The following ENOX1 variants were observed in gnomAD, a reference collection of about 807,000 sequenced individuals.
ENOX1 encodes candidate growth-related and time keeping constitutive hydroquinone (NADH) oxidase.
Under a neutral mutation model 82.5 loss-of-function variants are expected in ENOX1, and 42 were observed. That is an observed-to-expected ratio of 0.51 (90% CI 0.40 to 0.66). The LOEUF (loss-of-function observed/expected upper bound fraction) is 0.66. ENOX1 is among the 30% of genes least tolerant of loss of function. The pLI, the probability that ENOX1 is intolerant of heterozygous loss-of-function variation, is 0.00. For missense variants in ENOX1, 608 were observed against 811.6 expected (o/e 0.75, Z 3.05); for synonymous variants, 271 against 282.2 (o/e 0.96, Z 0.40).
At chr13:43,753,959 A>AGACTGATGTATTTCTTCTGTGTATAT (rs1392900008) in intron 1 of ENOX1, among the ~76,000 whole-genome samples, 4 of 146,370 alleles carry the variant, frequency 2.7e-5, no homozygotes, top group African/African-American at 1.0e-4. Context: ...TCAGAGACAT[A>AGACTGATGTATTTCTTCTGTGTATAT]AACTGATGTA....
At chr13:43,554,381 G>A (rs73476020) in intron 2 of ENOX1, among the ~76,000 whole-genome samples, 1,695 of 152,266 alleles carry the variant, frequency 0.011, 38 homozygotes, top group African/African-American at 0.039. Flanking sequence ...TTATGTAAAT[G>A]CAAGTGATTT....
chr13:43,304,557 G>T (rs2046760901), intron 11 of ENOX1, among the ~76,000 whole-genome samples: 1 of 152,160 alleles, frequency 6.6e-6, no homozygotes, highest in African/African-American at 2.4e-5. Context: ...GGCTCTATCT[G>T]GGGAGTGTTC....
intron 2 of ENOX1, among the ~76,000 whole-genome samples, chr13:43,602,018 C>G (rs1273831668): frequency 3.3e-5 from 5 of 151,888 alleles, no homozygotes; most frequent in Non-Finnish European, 5.9e-5. Context: ...GGAAATTAGA[C>G]AATAAGCTCC....
chr13:43,722,790 CAA>C (rs928906061), intron 1 of ENOX1, among the ~76,000 whole-genome samples: 3 of 152,026 alleles, frequency 2.0e-5, no homozygotes, highest in Non-Finnish European at 4.4e-5. Flanking sequence ...CCACTGAATT[CAA>C]AGTCAATATT....
At position 43,623,852 on chromosome 13, in the gene ENOX1, C is replaced by A. The variant is rs1360699841; in HGVS notation, c.-219+43627G>T. ...CCATTGAAAGACATCAGGGTTTTTT[C>A]CAATTTTTGAGTATTGTAAATAAAG... On this transcript the variant is annotated intron_variant, in intron 2 of 16. Transcript: ENST00000690772. Among the ~76,000 whole-genome samples, 3 of 152,144 alleles carry A rather than the reference C, an allele frequency of 2.0e-5. No individual in the cohort carries two copies. The East Asian group carries it at 5.8e-4, about 29-fold the overall frequency.
chr13:43,623,542 C>T (rs1012576953), intron 2 of ENOX1, among the ~76,000 whole-genome samples: 4 of 152,100 alleles, frequency 2.6e-5, no homozygotes, highest in Admixed American at 1.3e-4. Context: ...AGTGTGTGTT[C>T]GGGAGAGGAT....
At chr13:43,544,525 G>T (rs569276267) in intron 2 of ENOX1, 8 of 152,244 alleles carry the variant, frequency 5.3e-5, no homozygotes, top group African/African-American at 1.9e-4. Context: ...CCAAAACATG[G>T]CCCGACACAC....
intron 2 of ENOX1, among the ~76,000 whole-genome samples, chr13:43,665,132 G>T (rs897695040): frequency 6.6e-6 from 1 of 152,184 alleles, no homozygotes; most frequent in Non-Finnish European, 1.5e-5. Context: ...GGGCTTAAGT[G>T]AATTTGCAGG....
At chr13:43,649,559 T>C (rs944553743) in intron 2 of ENOX1, among the ~76,000 whole-genome samples, 2 of 152,204 alleles carry the variant, frequency 1.3e-5, no homozygotes, top group Non-Finnish European at 1.5e-5. Flanking sequence ...AATTCACTGA[T>C]TCCAAGAATG....
intron 2 of ENOX1, among the ~76,000 whole-genome samples, chr13:43,641,951 T>A (rs572579169): frequency 6.6e-6 from 1 of 152,194 alleles, no homozygotes; most frequent in African/African-American, 2.4e-5. Flanking sequence ...AACAACATGA[T>A]GATAATAGTC....
At chr13:43,597,105 C>CAG in intron 2 of ENOX1, among the ~76,000 whole-genome samples, 1 of 152,032 alleles carries the variant, frequency 6.6e-6, no homozygotes, top group Non-Finnish European at 1.5e-5. Flanking sequence ...GAACAGGAGA[C>CAG]AGAGAGAGAG....
At chr13:43,309,044 T>C (rs78795330) in intron 11 of ENOX1, among the ~76,000 whole-genome samples, 52,560 of 126,144 alleles carry the variant, frequency 0.42, 9,514 homozygotes, top group South Asian at 0.58. Flanking sequence ...TTTTTTTTTT[T>C]CCAGAGTCTC....
At chr13:43,756,271 A>G (rs537158947) in intron 1 of ENOX1, among the ~76,000 whole-genome samples, 29 of 151,968 alleles carry the variant, frequency 1.9e-4, no homozygotes, top group Non-Finnish European at 3.8e-4. Flanking sequence ...TACATGATAT[A>G]TAGAAATTAG....
intron 5 of ENOX1, among the ~76,000 whole-genome samples, chr13:43,364,986 G>A (rs1275046807): frequency 2.6e-5 from 4 of 152,126 alleles, no homozygotes; most frequent in African/African-American, 7.2e-5. Flanking sequence ...GAGACTGCAG[G>A]AATTAGATCA....
intron 2 of ENOX1, among the ~76,000 whole-genome samples, chr13:43,590,777 A>AT (rs2153725099): frequency 6.6e-6 from 1 of 151,402 alleles, no homozygotes; most frequent in East Asian, 1.9e-4. Context: ...CTTCATCTCA[A>AT]AAAAAAAAAA....
In ENOX1 at chr13:43,410,649, CACATATTACT is replaced by C. The variant is rs1226729155; in HGVS notation, c.208+1257_208+1266del. ...GTACACACACACACACACACACACACACATATTACTACAGTTAATTTGGAATTTTTCATTT... is the reference window on the plus strand; with the variant it reads ...GTACACACACACACACACACACACACACAGTTAATTTGGAATTTTTCATTT... On this transcript the variant is annotated intron_variant, in intron 5 of 16. Transcript: ENST00000690772. 9.6e-4 allele frequency among the ~76,000 whole-genome samples: 145 copies of C among 151,482 alleles called. 1 individual carries two copies. Among genetic ancestry groups the C allele is most frequent in the African/African-American group, 3.5e-3 (143 of 41,228 alleles).
intron 2 of ENOX1, among the ~76,000 whole-genome samples, chr13:43,562,400 A>G (rs2079721556): frequency 6.6e-6 from 1 of 152,148 alleles, no homozygotes; most frequent in African/African-American, 2.4e-5. Context: ...ATTAAAAAGC[A>G]AGAAATCAAA....
At chr13:43,275,573 A>AAC (rs71202257) in intron 12 of ENOX1, among the ~76,000 whole-genome samples, 17,811 of 148,878 alleles carry the variant, frequency 0.12, 1,020 homozygotes, top group Middle Eastern at 0.18. Context: ...GACTGACACC[A>AAC]ACACACACAC....
chr13:43,287,698 A>C (rs1046793465), intron 12 of ENOX1, among the ~76,000 whole-genome samples: 1 of 152,200 alleles, frequency 6.6e-6, no homozygotes, highest in Non-Finnish European at 1.5e-5. Context: ...CCTCACTCAA[A>C]ACTGCTAAAA....
Sources: allele counts gnomAD v4.1 joint callset (sites outside exome capture counted in the v4.1 genomes callset), GRCh38; gene constraint gnomAD v4.1.1; transcripts MANE v1.5; gene names NCBI Gene and HGNC (gene_info 2026-07-23, HGNC 2026-07-21).